SEMA3A: variants seen among roughly 807,000 people sequenced by gnomAD.
The protein encoded by SEMA3A is semaphorin 3A, also known as semaphorin-3A.
Under a neutral mutation model 97.9 loss-of-function variants are expected in SEMA3A, and 29 were observed. The observed-to-expected ratio is 0.30, with a 90% CI of 0.22 to 0.40. SEMA3A has a LOEUF of 0.40. SEMA3A is among the 10% of genes least tolerant of loss of function. The pLI is 1.00. For synonymous variants in SEMA3A, 321 were observed against 323.7 expected (o/e 0.99, Z 0.09); for missense variants, 763 against 951.3 (o/e 0.80, Z 2.60).
intron 1 of SEMA3A, among the ~76,000 whole-genome samples, chr7:84,422,454 T>C (rs1187097327): frequency 6.6e-6 from 1 of 152,042 alleles, no homozygotes; most frequent in Admixed American, 6.6e-5. Context: ...TTTGTTAATC[T>C]TTTCAAAAAA....
At chr7:84,464,203 T>G (rs2116394913) in intron 1 of SEMA3A, among the ~76,000 whole-genome samples, 1 of 152,278 alleles carries the variant, frequency 6.6e-6, no homozygotes, top group Non-Finnish European at 1.5e-5. Flanking sequence ...ATCCTGACAA[T>G]AAAGTAATGC....
At chr7:84,282,598 A>C (rs1024228569) in intron 3 of SEMA3A, among the ~76,000 whole-genome samples, 3 of 152,298 alleles carry the variant, frequency 2.0e-5, no homozygotes, top group Non-Finnish European at 2.9e-5. Context: ...GATAACGTTA[A>C]GCCAGTGATT....
At position 84,181,118 on chromosome 7, in the gene SEMA3A, C is replaced by T. The variant is rs147663771; in HGVS notation, c.112+13357G>A. On this transcript the variant is annotated intron_variant, in intron 1 of 16. Transcript: ENST00000265362. ...ATCTGCCAGTGATTTCTTTCTTTTGCCCCCTTTTCTTTCCCTCCTCAAATT... is the reference window on the plus strand; with the variant it reads ...ATCTGCCAGTGATTTCTTTCTTTTGTCCCCTTTTCTTTCCCTCCTCAAATT... Among the ~76,000 whole-genome samples the T allele has an allele frequency of 4.2e-3, 636 of 152,020 alleles. 3 individuals carry two copies. The highest frequency in any genetic ancestry group is 0.014 in the African/African-American group (584 of 41,476).
intron 4 of SEMA3A, among the ~76,000 whole-genome samples, chr7:84,064,529 C>A (rs1583903793): frequency 6.6e-6 from 1 of 152,008 alleles, no homozygotes; most frequent in Admixed American, 6.6e-5. Flanking sequence ...AAACCCATCT[C>A]ACGTGCAGAG....
At chr7:84,048,437 T>G (rs1792450888) in intron 5 of SEMA3A, among the ~76,000 whole-genome samples, 1 of 152,038 alleles carries the variant, frequency 6.6e-6, no homozygotes, top group Admixed American at 6.6e-5. Context: ...TATCTAATTT[T>G]TTCCCAAAAT....
At chr7:84,096,724 A>C (rs1256943567) in intron 4 of SEMA3A, among the ~76,000 whole-genome samples, 1 of 152,114 alleles carries the variant, frequency 6.6e-6, no homozygotes, top group African/African-American at 2.4e-5. Flanking sequence ...TTTAATTCAC[A>C]GACAGGAAAT....
chr7:83,987,235 A>G (rs1789672399), intron 12 of SEMA3A, among the ~76,000 whole-genome samples: 1 of 152,050 alleles, frequency 6.6e-6, no homozygotes, highest in Non-Finnish European at 1.5e-5. Context: ...CAAGAGTAAA[A>G]AATTGAGGAT....
intron 1 of SEMA3A, among the ~76,000 whole-genome samples, chr7:84,458,186 A>G (rs1472958765): frequency 6.6e-6 from 1 of 152,056 alleles, no homozygotes; most frequent in Non-Finnish European, 1.5e-5. Context: ...AGTTTGTGAT[A>G]TGGCATGCCT....
chr7:84,281,911 T>G (rs906116249), intron 3 of SEMA3A, among the ~76,000 whole-genome samples: 9 of 152,322 alleles, frequency 5.9e-5, no homozygotes, highest in African/African-American at 2.2e-4. Context: ...GTTTTGATAG[T>G]GCTGAGATGT....
At chr7:84,376,047 C>T (rs867319610) in intron 1 of SEMA3A, among the ~76,000 whole-genome samples, 36 of 152,274 alleles carry the variant, frequency 2.4e-4, no homozygotes, top group African/African-American at 8.7e-4. Flanking sequence ...GGCTGAATAA[C>T]ATTCCACTGG....
intron 3 of SEMA3A, among the ~76,000 whole-genome samples, chr7:84,217,362 C>G (rs564565067): frequency 4.0e-4 from 61 of 152,210 alleles, no homozygotes; most frequent in African/African-American, 1.4e-3. Flanking sequence ...GATGCATTGA[C>G]AGGTGCTTTG....
chr7:83,960,999 T>C lies in SEMA3A; in HGVS notation c.*372A>G, dbSNP rs781141626. 2 of 233,930 alleles carry C rather than the reference T, an allele frequency of 8.5e-6. No individual in the cohort carries two copies. The highest frequency in any genetic ancestry group is 8.4e-6 in the Non-Finnish European group (1 of 118,586). The allele number at this position is 233,930 out of a possible 1,614,324, so 14.5% of individuals were successfully genotyped here. On this transcript the variant is annotated 3_prime_UTR_variant, in exon 17 of 17. Coordinates refer to ENST00000265362, the MANE Select transcript of SEMA3A (RefSeq NM_006080.3). Reference sequence around the variant, plus strand: ...ATCCATGCAGTTCATTTTAAACTTTTAGTTCAATACAATGGCTTTGCTGAT... The same window carrying C: ...ATCCATGCAGTTCATTTTAAACTTTCAGTTCAATACAATGGCTTTGCTGAT...
chr7:84,005,588 G>T (rs752483237), intron 10 of SEMA3A, 30 bp from the exon 11 acceptor site: 12 of 1,382,778 alleles, frequency 8.7e-6, no homozygotes, highest in South Asian at 3.7e-5. Flanking sequence ...ATTATCTTTT[G>T]ATTAAAATCT....
chr7:84,173,684 A>G (rs747267998), intron 1 of SEMA3A, among the ~76,000 whole-genome samples: 31 of 152,088 alleles, frequency 2.0e-4, no homozygotes, highest in African/African-American at 7.2e-4. Context: ...CAAGGTTTCT[A>G]CTCAGCTACC....
chr7:84,260,997 A>T (rs917458075), intron 3 of SEMA3A, among the ~76,000 whole-genome samples: 2 of 152,066 alleles, frequency 1.3e-5, no homozygotes, highest in African/African-American at 2.4e-5. Flanking sequence ...ACTAATCAAC[A>T]TGCATTTCCT....
chr7:84,180,850 A>G (rs1017301979), intron 1 of SEMA3A, among the ~76,000 whole-genome samples: 3 of 152,176 alleles, frequency 2.0e-5, no homozygotes, highest in Admixed American at 2.0e-4. Flanking sequence ...TACTAAATGA[A>G]GGATGCATGT....
intron 15 of SEMA3A, among the ~76,000 whole-genome samples, chr7:83,966,989 G>C (rs1014008204): frequency 1.3e-5 from 2 of 152,154 alleles, no homozygotes; most frequent in Admixed American, 6.5e-5. Context: ...GGGATTACAG[G>C]CATGAGCCAC....
chr7:84,141,011 A>C (rs558167285), intron 1 of SEMA3A, among the ~76,000 whole-genome samples: 1 of 152,278 alleles, frequency 6.6e-6, no homozygotes, highest in African/African-American at 2.4e-5. Context: ...ACCAAGGACT[A>C]GTTTTTAACA....
intron 1 of SEMA3A, among the ~76,000 whole-genome samples, chr7:84,401,669 C>A (rs1803908065): frequency 6.6e-6 from 1 of 152,000 alleles, no homozygotes; most frequent in Non-Finnish European, 1.5e-5. Context: ...ACACATAGAC[C>A]AATGGAACAG....
Sources: gnomAD v4.1 joint callset for allele counts (sites outside exome capture counted in the v4.1 genomes callset) on GRCh38, gnomAD v4.1.1 for gene constraint, MANE v1.5 for transcripts, NCBI Gene and HGNC (gene_info 2026-07-23, HGNC 2026-07-21) for gene names.